TMTC2: variants seen among roughly 807,000 people sequenced by gnomAD.
TMTC2 encodes the protein protein O-mannosyl-transferase TMTC2.
A neutral mutation model predicts 82.4 loss-of-function variants in TMTC2; 43 were observed. The observed-to-expected ratio is 0.52, with a 90% CI of 0.41 to 0.67. TMTC2 has a LOEUF of 0.67. Ranked by LOEUF, TMTC2 falls within the 30% of genes least tolerant of loss-of-function variation. TMTC2 has a pLI of 0.00. For missense variants in TMTC2, 919 were observed against 1,012.4 expected (o/e 0.91, Z 1.25); for synonymous variants, 408 against 381.9 (o/e 1.07, Z -0.80).
intron 11 of TMTC2, among the ~76,000 whole-genome samples, chr12:83,081,020 C>G (rs1883445881): frequency 6.6e-6 from 1 of 152,110 alleles, no homozygotes; most frequent in Non-Finnish European, 1.5e-5. Context: ...TGTTGTGGTC[C>G]CTATCCTCTC....
At chr12:83,072,531 G>T (rs1309059510) in intron 11 of TMTC2, among the ~76,000 whole-genome samples, 2 of 152,144 alleles carry the variant, frequency 1.3e-5, no homozygotes, top group African/African-American at 4.8e-5. Context: ...TTGTGTCAAG[G>T]TATAGTTTAA....
intron 11 of TMTC2, among the ~76,000 whole-genome samples, chr12:83,108,818 A>G (rs1232433894): frequency 6.6e-6 from 1 of 152,220 alleles, no homozygotes; most frequent in African/African-American, 2.4e-5. Context: ...TTAGGTGCTA[A>G]CAAGTGAAGA....
At chr12:83,102,846 C>T (rs1025951481) in intron 11 of TMTC2, among the ~76,000 whole-genome samples, 1 of 152,124 alleles carries the variant, frequency 6.6e-6, no homozygotes, top group Non-Finnish European at 1.5e-5. Flanking sequence ...TGTCATTGAC[C>T]AACCTTAGGT....
intron 1 of TMTC2, among the ~76,000 whole-genome samples, chr12:82,784,054 C>T (rs1203855503): frequency 6.6e-6 from 1 of 151,926 alleles, no homozygotes; most frequent in Non-Finnish European, 1.5e-5. Flanking sequence ...GTAGAGTGGG[C>T]CTGCTGTAAA....
intron 11 of TMTC2, among the ~76,000 whole-genome samples, chr12:83,099,483 A>G (rs1487775253): frequency 6.6e-6 from 1 of 152,200 alleles, no homozygotes; most frequent in African/African-American, 2.4e-5. Flanking sequence ...CCGTGCTATT[A>G]TTAATATATT....
intron 11 of TMTC2, among the ~76,000 whole-genome samples, chr12:83,113,791 A>G (rs1321257613): frequency 1.3e-5 from 2 of 152,192 alleles, no homozygotes; most frequent in Non-Finnish European, 2.9e-5. Context: ...GTATGTTTAC[A>G]TTTTACTTTT....
rs941915451 is a variant in TMTC2 at position 82,708,711 on chromosome 12, T to C, written c.83+21042T>C. 3.3e-5 allele frequency among the ~76,000 whole-genome samples: 5 copies of C among 152,216 alleles called. 1 individual carries two copies. On this transcript the variant is annotated intron_variant, in intron 1 of 11. Coordinates refer to ENST00000321196, the MANE Select transcript of TMTC2 (RefSeq NM_152588.3). ...GATGCTCGAGTTGCTGTTTGTTAACTTGGGCCCCCTCTGCCTCCTTAGCTG... is the reference window on the plus strand; with the variant it reads ...GATGCTCGAGTTGCTGTTTGTTAACCTGGGCCCCCTCTGCCTCCTTAGCTG...
At chr12:82,830,287 G>A (rs1869677251) in intron 1 of TMTC2, among the ~76,000 whole-genome samples, 1 of 151,848 alleles carries the variant, frequency 6.6e-6, no homozygotes, top group African/African-American at 2.4e-5. Context: ...GCCCAGCATA[G>A]TAGCCCTTAA....
At chr12:82,940,386 G>T (rs1328566916) in intron 4 of TMTC2, among the ~76,000 whole-genome samples, 1 of 151,868 alleles carries the variant, frequency 6.6e-6, no homozygotes, top group Non-Finnish European at 1.5e-5. Context: ...GTTCTCAAAG[G>T]TCTCACATAT....
chr12:82,922,288 A>C (rs1592629697), intron 3 of TMTC2, among the ~76,000 whole-genome samples: 1 of 152,328 alleles, frequency 6.6e-6, no homozygotes, highest in East Asian at 1.9e-4. Context: ...GAAAATACAA[A>C]GTCTTTGAGT....
chr12:82,803,770 C>T lies in TMTC2; in HGVS notation c.84-53240C>T, dbSNP rs185857799. 7.9e-5 allele frequency among the ~76,000 whole-genome samples: 12 copies of T among 152,132 alleles called. No individual in the cohort carries two copies. In the East Asian group the frequency reaches 1.7e-3, roughly 22 times the overall value. On this transcript the variant is annotated intron_variant, in intron 1 of 11. Transcript: ENST00000321196. ...TCACGGTAAAAGGGACGCAAGACAC[C>T]GGAAGTAATACCAACATATAAAACC...
At chr12:82,766,855 G>C (rs909506810) in intron 1 of TMTC2, among the ~76,000 whole-genome samples, 5 of 152,118 alleles carry the variant, frequency 3.3e-5, no homozygotes, top group Non-Finnish European at 7.4e-5. Flanking sequence ...CTATAGTGCG[G>C]TGGCATGATC....
At chr12:83,002,767 T>C (rs566821511) in intron 8 of TMTC2, among the ~76,000 whole-genome samples, 2 of 131,168 alleles carry the variant, frequency 1.5e-5, no homozygotes, top group African/African-American at 5.2e-5. Flanking sequence ...TGAGAGTGTG[T>C]TTGGTAAGAT....
At chr12:82,978,887 C>A (rs988556099) in intron 7 of TMTC2, among the ~76,000 whole-genome samples, 1 of 151,694 alleles carries the variant, frequency 6.6e-6, no homozygotes, top group Non-Finnish European at 1.5e-5. Flanking sequence ...TATATATTTA[C>A]AATTGTTATA....
At chr12:82,732,304 C>G (rs1874858662) in intron 1 of TMTC2, among the ~76,000 whole-genome samples, 1 of 151,966 alleles carries the variant, frequency 6.6e-6, no homozygotes, top group East Asian at 1.9e-4. Flanking sequence ...GCTACTGTTT[C>G]ATTGAAGAAT....
At chr12:83,087,639 T>C (rs1883707076) in intron 11 of TMTC2, among the ~76,000 whole-genome samples, 1 of 152,230 alleles carries the variant, frequency 6.6e-6, no homozygotes, top group Non-Finnish European at 1.5e-5. Flanking sequence ...TGCATCTTCA[T>C]TGGAGCTCTT....
Position 82,687,231 on chromosome 12 carries a change from A to G in TMTC2, c.-356A>G. Reference sequence around the variant, plus strand: ...CTCCTCCGAGTCCCACTCCTCACCTAGGACGCCCCAAACTGCCATGGGTTA... The same window carrying G: ...CTCCTCCGAGTCCCACTCCTCACCTGGGACGCCCCAAACTGCCATGGGTTA... On this transcript the variant is annotated 5_prime_UTR_variant, in exon 1 of 12. The change abolishes the stop of an existing upstream ORF in the 5' untranslated region. Coordinates refer to ENST00000321196, the MANE Select transcript of TMTC2 (RefSeq NM_152588.3). 1 of 327,288 alleles carries G rather than the reference A, an allele frequency of 3.1e-6. No homozygotes were observed. Among genetic ancestry groups the G allele is most frequent in the South Asian group, 3.1e-5 (1 of 31,906 alleles). The allele number at this position is 327,288 out of a possible 1,614,324, so 20.3% of individuals were successfully genotyped here.
chr12:82,966,854 T>C, intron 6 of TMTC2, 65 bp from the exon 7 acceptor site: 1 of 1,193,858 alleles, frequency 8.4e-7, no homozygotes, highest in Non-Finnish European at 1.2e-6. Context: ...GTTATTATCT[T>C]ATTTTCAGTG....
At chr12:82,864,647 A>G (rs1021752255) in intron 2 of TMTC2, among the ~76,000 whole-genome samples, 10 of 151,168 alleles carry the variant, frequency 6.6e-5, no homozygotes, top group Admixed American at 5.9e-4. Context: ...GACTACAGGC[A>G]CACACCACCA....
Sources: gnomAD v4.1 joint callset for allele counts (sites outside exome capture counted in the v4.1 genomes callset) on GRCh38, gnomAD v4.1.1 for gene constraint, MANE v1.5 for transcripts, NCBI Gene and HGNC (gene_info 2026-07-23, HGNC 2026-07-21) for gene names.